ARHGAP32: variants seen among roughly 807,000 people sequenced by gnomAD.
ARHGAP32 encodes the protein Rho GTPase activating protein 32, also known as rho GTPase-activating protein 32.
Under a neutral mutation model 186.5 loss-of-function variants are expected in ARHGAP32, and 51 were observed. The ratio of observed to expected loss-of-function variants is 0.27; its 90% CI spans 0.22 to 0.35. The LOEUF (loss-of-function observed/expected upper bound fraction) is 0.35, where lower values mean the gene tolerates loss of function less well. ARHGAP32 is among the 10% of genes least tolerant of loss of function. The pLI, the probability that ARHGAP32 is intolerant of heterozygous loss-of-function variation, is 1.00. For missense variants in ARHGAP32, 2,186 were observed against 2,623.5 expected, an observed-to-expected ratio of 0.83 and a Z score of 3.64; for synonymous variants, 950 against 964.3, an observed-to-expected ratio of 0.99 and a Z score of 0.27.
chr11:129,204,130 C>A (rs1356371246), intron 1 of ARHGAP32, among the ~76,000 whole-genome samples: 1 of 150,978 alleles, frequency 6.6e-6, no homozygotes, highest in African/African-American at 2.4e-5. Flanking sequence ...CCATGAGATA[C>A]AGAAGGCATC....
chr11:129,124,011 A>G, intron 3 of ARHGAP32, 82 bp from the exon 4 acceptor site: 2 of 1,043,148 alleles, frequency 1.9e-6, no homozygotes, highest in South Asian at 1.5e-5. Context: ...ACTAAGTGAA[A>G]AGATGGTTTT....
chr11:128,993,171 AT>A (rs1177089710), intron 12 of ARHGAP32: 2 of 152,198 alleles, frequency 1.3e-5, no homozygotes, highest in African/African-American at 4.8e-5. Flanking sequence ...TATAAAGCTG[AT>A]TTTTCACTAG....
At chr11:129,153,710 T>C (rs1943340640) in intron 2 of ARHGAP32, among the ~76,000 whole-genome samples, 1 of 152,112 alleles carries the variant, frequency 6.6e-6, no homozygotes, top group African/African-American at 2.4e-5. Flanking sequence ...TGGATCCTCA[T>C]CTCTCACCAT....
chr11:128,974,223 C>T lies in ARHGAP32; in HGVS notation c.2974G>A (p.Asp992Asn). Residue 992 changes from aspartate to asparagine, a missense_variant, in exon 21 of 23, where the codon GAC becomes AAC. This residue lies in a region of ARHGAP32 where 1,502 missense variants were observed against 1,570.0 expected (regional missense o/e 0.96). Transcript: ENST00000682385. Reference sequence around the variant, plus strand: ...TCTACTTCTTCAGCAGCCACCTGGTCCAGGGGCTGGACTTCAGATTCATAT... The same window carrying T: ...TCTACTTCTTCAGCAGCCACCTGGTTCAGGGGCTGGACTTCAGATTCATAT... ...EAYESEVQPL[D>N]QVAAEEVELP... The T allele has an allele frequency of 6.2e-7, 1 of 1,614,208 alleles. No homozygotes were observed. The highest frequency in any genetic ancestry group is 8.5e-7 in the Non-Finnish European group (1 of 1,180,034).
intron 1 of ARHGAP32, among the ~76,000 whole-genome samples, chr11:129,262,363 C>A (rs1224946133): frequency 6.6e-6 from 1 of 151,804 alleles, no homozygotes; most frequent in Non-Finnish European, 1.5e-5. Context: ...TACAAATAAA[C>A]AGCTTTAAAT....
chr11:128,981,680 A>C (rs1343915958), intron 16 of ARHGAP32, 119 bp from the exon 17 acceptor site: 2 of 1,245,166 alleles, frequency 1.6e-6, no homozygotes, highest in Non-Finnish European at 1.1e-6. Flanking sequence ...ACTGTCCCTT[A>C]GCTAAGGCCC....
chr11:129,024,150 T>C (rs1938727781), intron 11 of ARHGAP32: 15 of 985,432 alleles, frequency 1.5e-5, no homozygotes, highest in Non-Finnish European at 1.6e-5. Flanking sequence ...GGGAGAGCTC[T>C]GCCTCCAGGA....
intron 5 of ARHGAP32, among the ~76,000 whole-genome samples, chr11:129,112,969 C>T (rs1243101276): frequency 6.6e-6 from 1 of 152,066 alleles, no homozygotes; most frequent in African/African-American, 2.4e-5. Context: ...CATTAATTTT[C>T]TTTTTTAAAA....
chr11:129,219,357 A>C (rs1431158463), intron 1 of ARHGAP32, among the ~76,000 whole-genome samples: 1 of 152,190 alleles, frequency 6.6e-6, no homozygotes, highest in Non-Finnish European at 1.5e-5. Context: ...ATGGTTATGA[A>C]TTTACAAAGC....
At chr11:129,001,640 C>T (rs564998488) in intron 11 of ARHGAP32, among the ~76,000 whole-genome samples, 1 of 152,224 alleles carries the variant, frequency 6.6e-6, no homozygotes, top group Non-Finnish European at 1.5e-5. Context: ...TCCATTTTTG[C>T]CTTGGTTGCC....
At chr11:129,224,768 C>CAAAAAA (rs57944399) in intron 1 of ARHGAP32, among the ~76,000 whole-genome samples, 2 of 104,286 alleles carry the variant, frequency 1.9e-5, no homozygotes, top group African/African-American at 7.7e-5. Context: ...TTGGCTAGAG[C>CAAAAAA]AAAAAAAAAA....
chr11:129,083,063 G>GC (rs1311799868), intron 6 of ARHGAP32, among the ~76,000 whole-genome samples: 2 of 152,158 alleles, frequency 1.3e-5, no homozygotes, highest in Non-Finnish European at 2.9e-5. Flanking sequence ...CCTTACTTCT[G>GC]CAAGAATGGC....
chr11:129,243,122 A>AG (rs1945042817), intron 1 of ARHGAP32, among the ~76,000 whole-genome samples: 1 of 152,210 alleles, frequency 6.6e-6, no homozygotes, highest in Non-Finnish European at 1.5e-5. Flanking sequence ...ATTCAAAGTC[A>AG]GTCAAAAATA....
chr11:129,029,633 C>T (rs1043736866), intron 11 of ARHGAP32, among the ~76,000 whole-genome samples: 3 of 151,910 alleles, frequency 2.0e-5, no homozygotes, highest in Admixed American at 2.0e-4. Flanking sequence ...GAAACCCCGT[C>T]TCTACTAAAA....
In ARHGAP32 at chr11:129,201,363, T is replaced by C. The variant is rs1479782558; in HGVS notation, c.-4-36936A>G. ...CAAATACATAATCTCAGCCTATGGT[T>C]TCACTGGATCACTAACTTTTCATTA... On this transcript the variant is annotated intron_variant, in intron 1 of 6. Transcript: ENST00000525234. Among the ~76,000 whole-genome samples the C allele has an allele frequency of 3.3e-5, 5 of 152,324 alleles. No homozygotes were observed. The South Asian group carries it at 8.3e-4, about 25-fold the overall frequency.
At chr11:129,077,712 T>A (rs1367253704) in intron 6 of ARHGAP32, among the ~76,000 whole-genome samples, 1 of 152,106 alleles carries the variant, frequency 6.6e-6, no homozygotes, top group Non-Finnish European at 1.5e-5. Flanking sequence ...CCCTGGTAGC[T>A]GAAGACAAAA....
At chr11:129,255,484 C>CT (rs1161730467) in intron 1 of ARHGAP32, among the ~76,000 whole-genome samples, 1 of 152,104 alleles carries the variant, frequency 6.6e-6, no homozygotes, top group East Asian at 1.9e-4. Flanking sequence ...AGGCAAAAAT[C>CT]TTTTTTAACT....
At position 128,973,130 on chromosome 11, in the gene ARHGAP32, T is replaced by C; in HGVS notation, c.3376A>G (p.Asn1126Asp). 1 of 1,614,162 alleles carries C rather than the reference T, an allele frequency of 6.2e-7. No individual in the cohort carries two copies. The highest frequency in any genetic ancestry group is 2.2e-5 in the East Asian group (1 of 44,876). Residue 1126 changes from asparagine (N) to aspartate (D), a missense_variant, in exon 22 of 23, where the codon AAT (asparagine) becomes GAT (aspartate). Physicochemically the swap from Asn to Asp is conservative, Grantham distance 23. Transcript: ENST00000682385. ...GGATGGTCACAGTTTCCTGGTGCATTATTCTGGAGGTGGAACTGCTCTGCT... is the reference window on the plus strand; with the variant it reads ...GGATGGTCACAGTTTCCTGGTGCATCATTCTGGAGGTGGAACTGCTCTGCT... ...RPAEQFHLQNNAPGNCDHPLP... is the reference protein window; with the variant it reads ...RPAEQFHLQNDAPGNCDHPLP...
At chr11:129,191,805 T>C (rs1483748040) in intron 1 of ARHGAP32, among the ~76,000 whole-genome samples, 1 of 152,028 alleles carries the variant, frequency 6.6e-6, no homozygotes, top group Non-Finnish European at 1.5e-5. Context: ...ATTATGAGTG[T>C]CTACTTGAAA....
Sources: gnomAD v4.1 joint callset for allele counts (sites outside exome capture counted in the v4.1 genomes callset) on GRCh38, gnomAD v4.1.1 for gene constraint, gnomAD v4.1.1 regional missense constraint, MANE v1.5 for transcripts, NCBI Gene and HGNC (gene_info 2026-07-23, HGNC 2026-07-21) for gene names.